UGT1A10: variants seen among roughly 807,000 people sequenced by gnomAD.
The protein encoded by UGT1A10 is UDP glucuronosyltransferase family 1 member A10.
A neutral mutation model predicts 45.8 loss-of-function variants in UGT1A10; 49 were observed. The observed-to-expected ratio is 1.07, with a 90% CI of 0.85 to 1.36. The LOEUF is 1.36. UGT1A10 is among the 40% of genes most tolerant of loss of function. The pLI, the probability that UGT1A10 is intolerant of heterozygous loss-of-function variation, is 0.00. For synonymous variants in UGT1A10, 284 were observed against 249.7 expected, an observed-to-expected ratio of 1.14 and a Z score of -1.29; for missense variants, 745 against 668.6, an observed-to-expected ratio of 1.11 and a Z score of -1.26.
chr2:233,656,631 C>G (rs1401058097), intron 1 of UGT1A10, among the ~76,000 whole-genome samples: 1 of 152,126 alleles, frequency 6.6e-6, no homozygotes, highest in Non-Finnish European at 1.5e-5. Flanking sequence ...CACAAAAAGT[C>G]CACTGAGTCC....
chr2:233,714,048 G>C (rs2076362692), intron 1 of UGT1A10, among the ~76,000 whole-genome samples: 1 of 152,154 alleles, frequency 6.6e-6, no homozygotes, highest in Non-Finnish European at 1.5e-5. Flanking sequence ...GGTTTCAATG[G>C]CCACTGAGAG....
At chr2:233,758,199 G>A (rs1696818445) in intron 1 of UGT1A10, among the ~76,000 whole-genome samples, 1 of 152,212 alleles carries the variant, frequency 6.6e-6, no homozygotes, top group African/African-American at 2.4e-5. Context: ...TTGCTTAGTA[G>A]TGGTTCTCTG....
intron 1 of UGT1A10, among the ~76,000 whole-genome samples, chr2:233,748,979 CT>C (rs1333740168): frequency 1.3e-5 from 2 of 151,700 alleles, no homozygotes; most frequent in Non-Finnish European, 2.9e-5. Flanking sequence ...GGATCTACTT[CT>C]TTACCAACAA....
intron 1 of UGT1A10, chr2:233,760,847 C>G: frequency 6.2e-7 from 1 of 1,614,018 alleles, no homozygotes; most frequent in South Asian, 1.1e-5. Context: ...ACCCAGTGCC[C>G]CAACCCATTC....
intron 1 of UGT1A10, among the ~76,000 whole-genome samples, chr2:233,687,117 A>G (rs1400771181): frequency 6.6e-6 from 1 of 152,114 alleles, no homozygotes; most frequent in Non-Finnish European, 1.5e-5. Context: ...TTGGGTAAAA[A>G]CTCAGCGTTA....
At chr2:233,667,015 T>C (rs2074093319) in intron 1 of UGT1A10, among the ~76,000 whole-genome samples, 1 of 152,196 alleles carries the variant, frequency 6.6e-6, no homozygotes, top group African/African-American at 2.4e-5. Flanking sequence ...TTCCATGGTG[T>C]GTATGTGCCA....
chr2:233,705,478 A>G (rs1475008681), intron 1 of UGT1A10, among the ~76,000 whole-genome samples: 1 of 152,162 alleles, frequency 6.6e-6, no homozygotes, highest in East Asian at 1.9e-4. Context: ...CATGAGGCAA[A>G]TTTAATGATA....
chr2:233,760,659 G>T (rs757137518), intron 1 of UGT1A10: 3 of 1,614,230 alleles, frequency 1.9e-6, no homozygotes, highest in Non-Finnish European at 1.7e-6. Context: ...CTATGCTTTT[G>T]TCTGGCTGTT....
At position 233,711,263 on chromosome 2, in the gene UGT1A10, C is replaced by G. The variant is rs570843140; in HGVS notation, c.856-55771C>G. 3.9e-5 allele frequency among the ~76,000 whole-genome samples: 6 copies of G among 152,310 alleles called. No homozygotes were observed. In the East Asian group the frequency reaches 1.2e-3, roughly 29 times the overall value. On this transcript the variant is annotated intron_variant, in intron 1 of 4. Transcript: ENST00000344644. ...CATCTTCCAAGATACATGGGCCTCC[C>G]CAGGGTCTAGGAGTCCTAGACGTGG... is the stretch of plus-strand genomic sequence containing the variant.
chr2:233,712,843 G>A (rs556220136), intron 1 of UGT1A10: 13 of 1,515,268 alleles, frequency 8.6e-6, no homozygotes, highest in African/African-American at 1.4e-5. Flanking sequence ...ATAGATTAAC[G>A]GGTAATAAGT....
chr2:233,739,695 T>C (rs1691176781), intron 1 of UGT1A10, among the ~76,000 whole-genome samples: 1 of 152,230 alleles, frequency 6.6e-6, no homozygotes, highest in African/African-American at 2.4e-5. Flanking sequence ...TTTTTGATTT[T>C]ACAGGCTCAT....
rs374047963 is a variant in UGT1A10 at position 233,768,235 on chromosome 2, G to C, written c.1091G>C (p.Arg364Pro). 6.2e-7 allele frequency: 1 copy of C among 1,614,136 alleles called. No individual in the cohort carries two copies. The highest frequency in any genetic ancestry group is 1.3e-5 in the African/African-American group (1 of 75,020). Reference sequence around the variant, plus strand: ...TGCATCTCAGGTCACCCGATGACCCGTGCCTTTATCACCCATGCTGGTTCC... The same window carrying C: ...TGCATCTCAGGTCACCCGATGACCCCTGCCTTTATCACCCATGCTGGTTCC... ...QNDLLGHPMT[R>P]AFITHAGSHG... Residue 364 changes from arginine to proline, a missense_variant, in exon 4 of 5, where the codon CGT becomes CCT. Arg to Pro is a moderately radical substitution (Grantham distance 103). Transcript: ENST00000344644.
At chr2:233,704,256 C>CTT (rs59925871) in intron 1 of UGT1A10, among the ~76,000 whole-genome samples, 8,556 of 123,528 alleles carry the variant, frequency 0.069, 479 homozygotes, top group African/African-American at 0.11. Context: ...GCCTTTATTG[C>CTT]TTTTTTTTTT....
chr2:233,749,635 C>T lies in UGT1A10; in HGVS notation c.856-17399C>T, dbSNP rs755546951. ...CATGATTTGGCTCTGTATCCCCCAC[C>T]AAATCTCATCTTGAATTGTAATCCC... is the stretch of plus-strand genomic sequence containing the variant. On this transcript the variant is annotated intron_variant, in intron 1 of 4. Coordinates refer to ENST00000344644, the MANE Select transcript of UGT1A10 (RefSeq NM_019075.4). 1.1e-4 allele frequency among the ~76,000 whole-genome samples: 17 copies of T among 151,816 alleles called. 3 individuals are homozygous for T. Among genetic ancestry groups the T allele is most frequent in the Admixed American group, 3.3e-4 (5 of 15,276 alleles).
rs563235726 is a variant in UGT1A10 at position 233,693,521 on chromosome 2, G to A, written c.855+56144G>A. The stretch of plus-strand genomic sequence containing the variant: ...CCTACCATCTGTGTACCTCTTCAGG[G>A]GTTTTCCGTGTTCCCTGGAGCATAC... On this transcript the variant is annotated intron_variant, in intron 1 of 4. Transcript: ENST00000344644. The A allele has an allele frequency of 6.2e-7, 1 of 1,614,156 alleles. No homozygotes were observed. The highest frequency in any genetic ancestry group is 1.3e-5 in the African/African-American group (1 of 75,016).
At chr2:233,646,944 T>C (rs1300663439) in intron 1 of UGT1A10, among the ~76,000 whole-genome samples, 1 of 152,194 alleles carries the variant, frequency 6.6e-6, no homozygotes. Flanking sequence ...AAGACATGCC[T>C]GAGACTAAGG....
intron 1 of UGT1A10, chr2:233,647,891 A>G: frequency 1.3e-6 from 2 of 1,526,358 alleles, no homozygotes; most frequent in Non-Finnish European, 9.0e-7. Flanking sequence ...TGATTTCTAC[A>G]CTGAAGTTAG....
intron 1 of UGT1A10, chr2:233,729,582 C>A (rs143068136): frequency 2.2e-4 from 355 of 1,613,964 alleles, no homozygotes; most frequent in Middle Eastern, 3.3e-4. Context: ...TTTTAACAGA[C>A]CCCGTTAACC....
At chr2:233,700,602 C>G (rs2075575052) in intron 1 of UGT1A10, among the ~76,000 whole-genome samples, 1 of 151,936 alleles carries the variant, frequency 6.6e-6, no homozygotes, top group Non-Finnish European at 1.5e-5. Context: ...ACAATTCACT[C>G]TTTTTTTGGG....
Sources: allele counts gnomAD v4.1 joint callset (sites outside exome capture counted in the v4.1 genomes callset), GRCh38; gene constraint gnomAD v4.1.1; transcripts MANE v1.5; gene names NCBI Gene and HGNC (gene_info 2026-07-23, HGNC 2026-07-21).